BCAP29: variants seen among roughly 807,000 people sequenced by gnomAD.
BCAP29 encodes B cell receptor associated protein 29, also known as B-cell receptor-associated protein 29.
A neutral mutation model predicts 31.8 loss-of-function variants in BCAP29; 34 were observed. The ratio of observed to expected loss-of-function variants is 1.07; its 90% CI spans 0.81 to 1.42. The LOEUF is 1.42. Among genes scored for constraint, BCAP29 ranks in the 40% most tolerant of loss-of-function variants. The pLI is 0.00. For synonymous variants in BCAP29, 104 were observed against 91.3 expected, an observed-to-expected ratio of 1.14 and a Z score of -0.79; for missense variants, 314 against 269.2, an observed-to-expected ratio of 1.17 and a Z score of -1.16.
chr7:107,586,457 G>A (rs1358385262), intron 3 of BCAP29, among the ~76,000 whole-genome samples: 1 of 152,130 alleles, frequency 6.6e-6, no homozygotes, highest in Non-Finnish European at 1.5e-5. Context: ...GGACATCATG[G>A]ATAGTTAAGG....
intron 5 of BCAP29, among the ~76,000 whole-genome samples, chr7:107,596,597 T>C (rs1325278050): frequency 6.6e-6 from 1 of 152,242 alleles, no homozygotes; most frequent in Non-Finnish European, 1.5e-5. Flanking sequence ...GCACGCAGCC[T>C]TGTATTTATA....
chr7:107,590,446 C>T (rs1473767077), intron 3 of BCAP29, among the ~76,000 whole-genome samples: 1 of 152,022 alleles, frequency 6.6e-6, no homozygotes, highest in African/African-American at 2.4e-5. Flanking sequence ...AATAATAAGT[C>T]ATGAAAGAAA....
intron 3 of BCAP29, among the ~76,000 whole-genome samples, chr7:107,586,592 A>G (rs1165191151): frequency 1.3e-5 from 2 of 152,214 alleles, no homozygotes; most frequent in East Asian, 1.9e-4. Context: ...CGAGTCCACA[A>G]CGATGTAAAT....
At chr7:107,594,398 G>A (rs1313249145) in intron 4 of BCAP29, among the ~76,000 whole-genome samples, 2 of 151,978 alleles carry the variant, frequency 1.3e-5, no homozygotes, top group Admixed American at 1.3e-4. Flanking sequence ...GTGTTGCCCA[G>A]ACTGGTCTCA....
chr7:107,594,353 A>G, intron 4 of BCAP29: 1 of 439,754 alleles, frequency 2.3e-6, no homozygotes. Context: ...ATGTAGGGCT[A>G]ATTTTTAAAT....
intron 6 of BCAP29, among the ~76,000 whole-genome samples, chr7:107,603,054 C>T (rs1305653919): frequency 7.4e-6 from 1 of 135,264 alleles, no homozygotes; most frequent in Non-Finnish European, 1.5e-5. Flanking sequence ...ACTGCAAGCT[C>T]TGCCTCCCGG....
At chr7:107,599,697 AC>A (rs1432010756) in intron 5 of BCAP29, among the ~76,000 whole-genome samples, 3 of 152,076 alleles carry the variant, frequency 2.0e-5, no homozygotes, top group Non-Finnish European at 4.4e-5. Flanking sequence ...GTTTCTGTAC[AC>A]AATACAGATG....
intron 6 of BCAP29, chr7:107,603,224 C>G (rs1158833020): frequency 6.6e-6 from 1 of 152,118 alleles, no homozygotes; most frequent in Non-Finnish European, 1.5e-5. Context: ...CCCGCGTCGG[C>G]CTCCCAAAGT....
At chr7:107,616,988 C>T (rs868360407) in intron 7 of BCAP29, among the ~76,000 whole-genome samples, 1 of 152,188 alleles carries the variant, frequency 6.6e-6, no homozygotes, top group Non-Finnish European at 1.5e-5. Context: ...ATCCGCCCAC[C>T]TGGGCCTTCC....
At chr7:107,582,544 A>G (rs992484997) in intron 2 of BCAP29, among the ~76,000 whole-genome samples, 3 of 152,198 alleles carry the variant, frequency 2.0e-5, no homozygotes, top group African/African-American at 7.2e-5. Context: ...CTATAACTGC[A>G]TGTTACTAAC....
At chr7:107,590,623 T>A (rs1379940970) in intron 3 of BCAP29, among the ~76,000 whole-genome samples, 1 of 151,992 alleles carries the variant, frequency 6.6e-6, no homozygotes, top group Non-Finnish European at 1.5e-5. Flanking sequence ...TTGCAGACCA[T>A]CCTGGGCAAC....
At position 107,618,525 on chromosome 7, in the gene BCAP29, A is replaced by T; in HGVS notation, c.*162A>T. 6.2e-7 allele frequency: 1 copy of T among 1,607,214 alleles called. No individual in the cohort carries two copies. Among genetic ancestry groups the T allele is most frequent in the Non-Finnish European group, 8.5e-7 (1 of 1,174,172 alleles). ...AATGGCATTATCAAAATATTTGATG[A>T]TGTTTCAGATATATTGCAAAGTCTG... On this transcript the variant is annotated 3_prime_UTR_variant, in exon 8 of 8. Coordinates refer to ENST00000005259, the MANE Select transcript of BCAP29 (RefSeq NM_018844.4).
chr7:107,599,274 A>T (rs1433340063), intron 5 of BCAP29, among the ~76,000 whole-genome samples: 2 of 118,878 alleles, frequency 1.7e-5, no homozygotes, highest in Non-Finnish European at 3.2e-5. Flanking sequence ...ATATATATTT[A>T]TATATAATTT....
At chr7:107,606,180 A>G (rs1193699128) in intron 6 of BCAP29, among the ~76,000 whole-genome samples, 1 of 152,188 alleles carries the variant, frequency 6.6e-6, no homozygotes, top group African/African-American at 2.4e-5. Context: ...GCTTTTGCTA[A>G]GTTATATGAA....
chr7:107,600,044 A>G (rs1810873482), intron 5 of BCAP29, among the ~76,000 whole-genome samples: 3 of 152,180 alleles, frequency 2.0e-5, no homozygotes, highest in Admixed American at 1.3e-4. Flanking sequence ...TCTAATTAAT[A>G]TCATCCTCAG....
chr7:107,614,298 C>G (rs1412944084), intron 7 of BCAP29, among the ~76,000 whole-genome samples: 3 of 152,234 alleles, frequency 2.0e-5, no homozygotes, highest in Non-Finnish European at 4.4e-5. Flanking sequence ...CAAGCATACA[C>G]TATACTCATA....
chr7:107,597,069 A>G (rs1424908533), intron 5 of BCAP29, among the ~76,000 whole-genome samples: 2 of 152,228 alleles, frequency 1.3e-5, no homozygotes, highest in Admixed American at 6.5e-5. Context: ...TGAGCAGCAC[A>G]TAAAAGCAGC....
chr7:107,603,961 G>A (rs1811634469), intron 6 of BCAP29, among the ~76,000 whole-genome samples: 3 of 152,036 alleles, frequency 2.0e-5, no homozygotes, highest in South Asian at 2.1e-4. Context: ...GTCATTTAAT[G>A]TGGAGCATAA....
intron 4 of BCAP29, among the ~76,000 whole-genome samples, chr7:107,595,176 A>G (rs1182062016): frequency 6.6e-6 from 1 of 152,148 alleles, no homozygotes; most frequent in Non-Finnish European, 1.5e-5. Flanking sequence ...TGTGGCCATC[A>G]CTACCCACAA....
Sources: gnomAD v4.1 joint callset for allele counts (sites outside exome capture counted in the v4.1 genomes callset) on GRCh38, gnomAD v4.1.1 for gene constraint, MANE v1.5 for transcripts, NCBI Gene and HGNC (gene_info 2026-07-23, HGNC 2026-07-21) for gene names.